The following PEX5 variants were observed in gnomAD, a reference collection of about 807,000 sequenced individuals.
PEX5 encodes the protein peroxisomal biogenesis factor 5, also known as PTS1 receptor.
PEX5 carries 52 observed loss-of-function variants against 82.9 expected under a neutral mutation model. The observed-to-expected ratio is 0.63, with a 90% CI of 0.50 to 0.79. The LOEUF is 0.79. Among genes scored for constraint, PEX5 ranks in the 30% least tolerant of loss-of-function variants. PEX5 has a pLI of 0.00. For missense variants in PEX5, 719 were observed against 815.2 expected (o/e 0.88, Z 1.44); for synonymous variants, 300 against 318.8 (o/e 0.94, Z 0.63).
intron 17 of PEX5, among the ~76,000 whole-genome samples, chr12:7,217,876 G>T (rs1945822487): frequency 6.6e-6 from 1 of 152,212 alleles, no homozygotes; most frequent in African/African-American, 2.4e-5. Context: ...TGTACGGGCT[G>T]CACTGTGCCT....
intron 14 of PEX5, 132 bp from the exon 15 acceptor site, chr12:7,209,551 A>C: frequency 4.6e-6 from 2 of 437,626 alleles, no homozygotes; most frequent in Non-Finnish European, 8.0e-6. Flanking sequence ...ATGGAATGGG[A>C]CGAAACATGT....
chr12:7,190,340 C>A (rs999433041), intron 1 of PEX5, 22 bp from the exon 2 acceptor site: 1 of 1,613,352 alleles, frequency 6.2e-7, no homozygotes, highest in Non-Finnish European at 8.5e-7. Context: ...TACCTCAGTT[C>A]CAAACCTCCT....
intron 9 of PEX5, 29 bp downstream of exon 9, chr12:7,202,733 C>G: frequency 6.7e-7 from 1 of 1,497,746 alleles, no homozygotes; most frequent in South Asian, 1.1e-5. Context: ...GGAGCAGACA[C>G]CCCAAAAGAA....
Position 7,208,651 on chromosome 12 carries a change from T to C in PEX5, c.1376T>C (p.Leu459Pro). The stretch of plus-strand genomic sequence containing the variant: ...GGACTGGGCCCCAGCAAGCGTATCC[T>C]GGGATCTCTCTTGTCTGAGTGAGTA... ...GAGLGPSKRI[L>P]GSLLSDSLFL... The change falls in exon 13 of 16, where the codon CTG becomes CCG. Residue 459 changes from leucine to proline, a missense_variant. Physicochemically the swap from Leu to Pro is moderately conservative, Grantham distance 98 (BLOSUM62 -3). Coordinates refer to ENST00000675855, the MANE Select transcript of PEX5 (RefSeq NM_001351132.2). 1.9e-6 allele frequency: 3 copies of C among 1,613,626 alleles called. No homozygotes were observed. The highest frequency in any genetic ancestry group is 2.5e-6 in the Non-Finnish European group (3 of 1,179,668).
chr12:7,214,733 AAG>A (rs144007835), downstream of PEX5, among the ~76,000 whole-genome samples: 19,822 of 113,406 alleles, frequency 0.17, 1,754 homozygotes, highest in South Asian at 0.28. Flanking sequence ...AAAATAAAAA[AAG>A]AATTATTCTC....
chr12:7,201,875 G>T lies in PEX5; in HGVS notation c.642+34G>T, dbSNP rs760150569. ...CATCCCTCTGCTGCTTTGCCCAGCA[G>T]AGCTGGTTTTGGAAGGCAAGAATCT... On this transcript the variant is annotated intron_variant, in intron 7 of 15. Coordinates refer to ENST00000675855, the MANE Select transcript of PEX5 (RefSeq NM_001351132.2). The T allele has an allele frequency of 4.6e-6, 7 of 1,508,276 alleles. No homozygotes were observed. The East Asian group carries it at 1.6e-4, about 34-fold the overall frequency. 93.4% of individuals were successfully genotyped at this position (1,508,276 alleles called of 1,614,324 possible).
At chr12:7,207,954 G>A in intron 11 of PEX5, 56 bp from the exon 12 acceptor site, 1 of 1,546,730 alleles carries the variant, frequency 6.5e-7, no homozygotes, top group Non-Finnish European at 8.9e-7. Context: ...AAGCCAGGGG[G>A]AAGGGCGAAT....
At chr12:7,197,517 T>TTATATATGTTATATATAATATAATAATTA (rs774934547) in intron 5 of PEX5, among the ~76,000 whole-genome samples, 2 of 91,048 alleles carry the variant, frequency 2.2e-5, no homozygotes, top group South Asian at 4.9e-4. Flanking sequence ...AATGTAATAA[T>TTATATATGTTATATATAATATAATAATTA]TATATGTTAT....
chr12:7,197,535 G>A (rs1348294941), intron 5 of PEX5, among the ~76,000 whole-genome samples: 3 of 116,548 alleles, frequency 2.6e-5, no homozygotes, highest in Non-Finnish European at 3.6e-5. Context: ...TATATATAAT[G>A]TAATTATATA....
chr12:7,216,934 T>A (rs1442608795), intron 17 of PEX5, among the ~76,000 whole-genome samples: 1 of 152,244 alleles, frequency 6.6e-6, no homozygotes, highest in Non-Finnish European at 1.5e-5. Context: ...CTTTTGTTAA[T>A]AAATTATTAC....
At chr12:7,201,514 ACTATCCCATCTGTATG>A (rs1447238428) in intron 6 of PEX5, among the ~76,000 whole-genome samples, 1 of 152,250 alleles carries the variant, frequency 6.6e-6, no homozygotes, top group East Asian at 1.9e-4. Flanking sequence ...TGAGCCTGCT[ACTATCCCATCTGTATG>A]CAAAGATATG....
upstream of PEX5, chr12:7,189,171 C>T (rs1940429847): frequency 6.6e-6 from 1 of 151,272 alleles, no homozygotes; most frequent in African/African-American, 2.5e-5. Flanking sequence ...GTGACGCTAC[C>T]CCGCTAGGGG....
In PEX5 at chr12:7,201,706, G is replaced by A. The variant is rs758640495; in HGVS notation, c.552-45G>A. ...TAGGAGTGGGGAGTAGCATGGGGAG[G>A]GTGATGGCAGACTAATGTGTAAAAT... is the stretch of plus-strand genomic sequence containing the variant. On this transcript the variant is annotated intron_variant, in intron 6 of 15. Coordinates refer to ENST00000675855, the MANE Select transcript of PEX5 (RefSeq NM_001351132.2). The A allele has an allele frequency of 2.3e-6, 3 of 1,323,828 alleles. No homozygotes were observed. The East Asian group carries it at 6.9e-5, about 30-fold the overall frequency. The allele number at this position is 1,323,828 out of a possible 1,614,324, so 82.0% of individuals were successfully genotyped here. A position where few individuals can be genotyped will look rare whatever the true frequency, so the allele number is the denominator to read the frequency against.
intron 3 of PEX5, 64 bp downstream of exon 3, chr12:7,190,987 C>A: frequency 6.8e-7 from 1 of 1,466,304 alleles, no homozygotes; most frequent in Non-Finnish European, 9.6e-7. Flanking sequence ...TACCTTTAAA[C>A]TTAGTTCACC....
chr12:7,196,063 T>C (rs61917956), intron 5 of PEX5, among the ~76,000 whole-genome samples: 63,044 of 144,950 alleles, frequency 0.43, 14,968 homozygotes, highest in Admixed American at 0.6. Context: ...TTTTACATTA[T>C]ATATAATGTA....
chr12:7,212,477 A>AC (rs1282962205), downstream of PEX5, among the ~76,000 whole-genome samples: 2 of 67,510 alleles, frequency 3.0e-5, no homozygotes, highest in Non-Finnish European at 7.0e-5. Flanking sequence ...AAAAAAAAAA[A>AC]AAAAAAAAAA....
intron 1 of PEX5, chr12:7,190,120 A>C (rs1940703828): frequency 1.3e-6 from 2 of 1,482,620 alleles, no homozygotes; most frequent in Admixed American, 5.3e-5. Flanking sequence ...ATGGGACCGT[A>C]GTCGCGGAGG....
In PEX5 at chr12:7,189,718, G is replaced by A. The variant is rs886049823; in HGVS notation, c.-49G>A. 7 of 380,792 alleles carry A rather than the reference G, an allele frequency of 1.8e-5. No individual in the cohort carries two copies. The highest frequency in any genetic ancestry group is 1.6e-4 in the East Asian group (4 of 24,626). The allele number at this position is 380,792 out of a possible 1,614,324, so 23.6% of individuals were successfully genotyped here. On this transcript the variant is annotated 5_prime_UTR_variant, in exon 1 of 16. Coordinates refer to ENST00000675855, the MANE Select transcript of PEX5 (RefSeq NM_001351132.2). ...CCCCTCCCCCAAGCCAGCACCTGGTGCCCCGGCGGGTCGTGCGGCGCGGCG... is the reference window on the plus strand; with the variant it reads ...CCCCTCCCCCAAGCCAGCACCTGGTACCCCGGCGGGTCGTGCGGCGCGGCG...
chr12:7,214,119 TTGG>T (rs1425716752), downstream of PEX5, among the ~76,000 whole-genome samples: 6 of 152,184 alleles, frequency 3.9e-5, no homozygotes, highest in African/African-American at 1.4e-4. Flanking sequence ...TTTTACACTG[TTGG>T]TGGGACTGTA....
Sources: allele counts gnomAD v4.1 joint callset (sites outside exome capture counted in the v4.1 genomes callset), GRCh38; gene constraint gnomAD v4.1.1; transcripts MANE v1.5; gene names NCBI Gene and HGNC (gene_info 2026-07-23, HGNC 2026-07-21).